DNM3: variants seen among roughly 807,000 people sequenced by gnomAD.
DNM3 encodes dynamin 3, also known as dynamin-3.
In DNM3, 47 loss-of-function variants were observed where a neutral mutation model predicts 101.6. The observed-to-expected ratio is 0.46, with a 90% CI of 0.37 to 0.59. The LOEUF (loss-of-function observed/expected upper bound fraction) is 0.59, where lower values mean the gene tolerates loss of function less well. Ranked by LOEUF, DNM3 falls within the 20% of genes least tolerant of loss-of-function variation. The pLI, the probability that DNM3 is intolerant of heterozygous loss-of-function variation, is 0.00. For synonymous variants in DNM3, 385 were observed against 387.9 expected (o/e 0.99, Z 0.09); for missense variants, 849 against 1,085.7 (o/e 0.78, Z 3.06).
chr1:171,998,548 T>G (rs530812639), intron 4 of DNM3, among the ~76,000 whole-genome samples: 116 of 152,268 alleles, frequency 7.6e-4, no homozygotes, highest in African/African-American at 2.2e-3. Flanking sequence ...ACTTACTATG[T>G]GTCAAGTACC....
At chr1:171,874,639 C>T (rs2035588989) in intron 1 of DNM3, among the ~76,000 whole-genome samples, 1 of 152,238 alleles carries the variant, frequency 6.6e-6, no homozygotes. Flanking sequence ...TACTCTTGTA[C>T]TTATTCAGCC....
chr1:171,931,740 C>G (rs2041021275), intron 2 of DNM3, among the ~76,000 whole-genome samples: 1 of 152,106 alleles, frequency 6.6e-6, no homozygotes, highest in African/African-American at 2.4e-5. Flanking sequence ...CAGTGTTTTA[C>G]TTTTGTGGGT....
At chr1:172,032,963 A>G (rs946309560) in intron 5 of DNM3, 142 bp from the exon 6 acceptor site, 11 of 1,005,404 alleles carry the variant, frequency 1.1e-5, no homozygotes, top group Non-Finnish European at 1.4e-5. Context: ...GATGTTTCCC[A>G]TTGAGTTTTA....
Position 172,253,775 on chromosome 1 carries a change from C to T in DNM3, c.1769+93C>T, listed in dbSNP as rs999757132. The T allele has an allele frequency of 5.0e-5, 38 of 753,558 alleles. No homozygotes were observed. In the African/African-American group the frequency reaches 5.3e-4, roughly 10 times the overall value. The allele number at this position is 753,558 out of a possible 1,614,324, so 46.7% of individuals were successfully genotyped here. A position where few individuals can be genotyped will look rare whatever the true frequency, so the allele number is the denominator to read the frequency against. On this transcript the variant is annotated intron_variant, in intron 15 of 20. Transcript: ENST00000627582. ...TATTTGAAAATAGTTCCTTTGGTCA[C>T]ACCTTGAAATTTGTCTGCTCTTCAG...
At chr1:172,049,027 A>G (rs2050015582) in intron 10 of DNM3, among the ~76,000 whole-genome samples, 1 of 152,224 alleles carries the variant, frequency 6.6e-6, no homozygotes, top group South Asian at 2.1e-4. Flanking sequence ...TTTCCAAACT[A>G]TTAGGCAAAT....
chr1:172,156,588 A>G (rs925895450), intron 14 of DNM3, among the ~76,000 whole-genome samples: 2 of 151,704 alleles, frequency 1.3e-5, no homozygotes, highest in Non-Finnish European at 2.9e-5. Context: ...GTTATAATGT[A>G]GGTGTTCATT....
chr1:172,216,092 T>C (rs2060689472), intron 14 of DNM3, among the ~76,000 whole-genome samples: 1 of 149,926 alleles, frequency 6.7e-6, no homozygotes, highest in Non-Finnish European at 1.5e-5. Flanking sequence ...GTCAAGGAAA[T>C]CAGAGGCATA....
intron 2 of DNM3, among the ~76,000 whole-genome samples, chr1:171,976,117 A>G (rs1248305884): frequency 1.3e-5 from 2 of 152,268 alleles, no homozygotes; most frequent in African/African-American, 4.8e-5. Flanking sequence ...TACAAAGGCA[A>G]TTCAGTGGAG....
chr1:172,078,536 C>T (rs2052868309), intron 11 of DNM3, among the ~76,000 whole-genome samples: 1 of 151,824 alleles, frequency 6.6e-6, no homozygotes, highest in Non-Finnish European at 1.5e-5. Context: ...AGATGGGTCT[C>T]CCGAATTACA....
At chr1:172,090,740 T>G (rs893068557) in intron 12 of DNM3, among the ~76,000 whole-genome samples, 5 of 152,198 alleles carry the variant, frequency 3.3e-5, no homozygotes, top group Non-Finnish European at 7.3e-5. Flanking sequence ...GAAAGCAGCT[T>G]AAATGTATCA....
intron 15 of DNM3, among the ~76,000 whole-genome samples, chr1:172,275,452 T>C (rs1264106322): frequency 6.6e-6 from 1 of 152,074 alleles, no homozygotes; most frequent in Non-Finnish European, 1.5e-5. Context: ...TTATAGTGCC[T>C]TCTTTCAAAT....
chr1:172,058,485 A>G (rs1334872971), intron 10 of DNM3, among the ~76,000 whole-genome samples: 1 of 151,892 alleles, frequency 6.6e-6, no homozygotes, highest in Non-Finnish European at 1.5e-5. Context: ...CAGAAATTAT[A>G]ACAAACTATC....
At chr1:172,000,478 T>G (rs1034073952) in intron 4 of DNM3, among the ~76,000 whole-genome samples, 5 of 152,080 alleles carry the variant, frequency 3.3e-5, no homozygotes, top group African/African-American at 1.2e-4. Flanking sequence ...ACTTCAAACT[T>G]AAAATGCTGC....
At chr1:172,370,717 C>T (rs2149035709) in intron 17 of DNM3, among the ~76,000 whole-genome samples, 1 of 152,064 alleles carries the variant, frequency 6.6e-6, no homozygotes, top group African/African-American at 2.4e-5. Flanking sequence ...AATTAACCTG[C>T]CCAAGACTCC....
intron 13 of DNM3, among the ~76,000 whole-genome samples, chr1:172,104,784 A>G (rs2054892975): frequency 6.6e-6 from 1 of 152,168 alleles, no homozygotes; most frequent in Non-Finnish European, 1.5e-5. Flanking sequence ...TAATGCATCC[A>G]TTATTGACAT....
intron 1 of DNM3, among the ~76,000 whole-genome samples, chr1:171,873,921 A>G (rs540603316): frequency 6.6e-6 from 1 of 152,298 alleles, no homozygotes; most frequent in Non-Finnish European, 1.5e-5. Flanking sequence ...GTCTTTTCTG[A>G]TATGACATTA....
chr1:171,939,253 A>G (rs1247780284), intron 2 of DNM3, among the ~76,000 whole-genome samples: 1 of 152,200 alleles, frequency 6.6e-6, no homozygotes, highest in Non-Finnish European at 1.5e-5. Flanking sequence ...AACACCACAT[A>G]CATTTCCATT....
rs545443248 is a variant in DNM3, at chr1:172,211,832, A to G, written c.1660-41741A>G. Among the ~76,000 whole-genome samples, 7 of 152,242 alleles carry G rather than the reference A, an allele frequency of 4.6e-5. No homozygotes were observed. In the South Asian group the frequency reaches 1.5e-3, roughly 32 times the overall value. Reference sequence around the variant, plus strand: ...ATAAGATCAGAGAATAAATGTGAAGAAATGGATTTTCAAGGAACAGGTGGA... The same window carrying G: ...ATAAGATCAGAGAATAAATGTGAAGGAATGGATTTTCAAGGAACAGGTGGA... On this transcript the variant is annotated intron_variant, in intron 14 of 20. Transcript: ENST00000627582.
At chr1:172,342,782 C>A (rs141580924) in intron 17 of DNM3, among the ~76,000 whole-genome samples, 1 of 152,160 alleles carries the variant, frequency 6.6e-6, no homozygotes. Context: ...CTATGACAGT[C>A]TTGTTCTTTG....
Sources: allele counts gnomAD v4.1 joint callset (sites outside exome capture counted in the v4.1 genomes callset), GRCh38; gene constraint gnomAD v4.1.1; transcripts MANE v1.5; gene names NCBI Gene and HGNC (gene_info 2026-07-23, HGNC 2026-07-21).